The following MAP2K6 variants were observed in gnomAD, a reference collection of about 807,000 sequenced individuals.
The protein encoded by MAP2K6 is dual specificity mitogen-activated protein kinase kinase 6.
MAP2K6 carries 16 observed loss-of-function variants against 53.7 expected under a neutral mutation model. The ratio of observed to expected loss-of-function variants is 0.30; its 90% CI spans 0.20 to 0.45. The LOEUF is 0.45. Among genes scored for constraint, MAP2K6 ranks in the 20% least tolerant of loss-of-function variants. The pLI is 1.00. For missense variants in MAP2K6, 204 were observed against 411.9 expected (o/e 0.50, Z 4.37); for synonymous variants, 132 against 143.1 (o/e 0.92, Z 0.55).
intron 8 of MAP2K6, among the ~76,000 whole-genome samples, chr17:69,524,575 C>G (rs1375862890): frequency 6.6e-6 from 1 of 151,976 alleles, no homozygotes; most frequent in African/African-American, 2.4e-5. Flanking sequence ...CTGGACTGTT[C>G]ATGTTTTAAA....
chr17:69,453,204 C>T (rs551812656), intron 1 of MAP2K6, among the ~76,000 whole-genome samples: 2 of 152,262 alleles, frequency 1.3e-5, no homozygotes, highest in Admixed American at 6.5e-5. Flanking sequence ...TGACAAACTA[C>T]GTGATAGAAC....
At chr17:69,442,256 C>T (rs1906844161) in intron 1 of MAP2K6, among the ~76,000 whole-genome samples, 1 of 152,142 alleles carries the variant, frequency 6.6e-6, no homozygotes. Context: ...CCCAGAGTGG[C>T]TTTTCTCTTG....
chr17:69,463,971 A>G (rs1010460588), intron 1 of MAP2K6, among the ~76,000 whole-genome samples: 8 of 151,684 alleles, frequency 5.3e-5, no homozygotes, highest in Non-Finnish European at 1.2e-4. Flanking sequence ...GCGAGCCGAG[A>G]TTGCGCCACT....
intron 10 of MAP2K6, among the ~76,000 whole-genome samples, chr17:69,534,340 G>A (rs573455660): frequency 1.3e-5 from 2 of 152,000 alleles, no homozygotes; most frequent in African/African-American, 4.8e-5. Flanking sequence ...TTTCTAATGC[G>A]CTCTTATTTT....
chr17:69,482,742 A>G (rs1410975195), intron 1 of MAP2K6, among the ~76,000 whole-genome samples: 1 of 152,086 alleles, frequency 6.6e-6, no homozygotes, highest in Non-Finnish European at 1.5e-5. Flanking sequence ...AAACTTGTAC[A>G]TACATCATTT....
chr17:69,532,537 T>G (rs16974160), intron 10 of MAP2K6, among the ~76,000 whole-genome samples: 10,455 of 152,294 alleles, frequency 0.069, 1,118 homozygotes, highest in African/African-American at 0.23. Context: ...AAATTGGTGT[T>G]GCTTTGAACT....
chr17:69,532,224 A>C (rs998756531), intron 10 of MAP2K6, among the ~76,000 whole-genome samples: 4 of 152,216 alleles, frequency 2.6e-5, no homozygotes, highest in Non-Finnish European at 4.4e-5. Context: ...AAGAGGCACT[A>C]GATGTTTATT....
chr17:69,520,676 T>C (rs1910419143), intron 6 of MAP2K6: 5 of 379,464 alleles, frequency 1.3e-5, no homozygotes, highest in Non-Finnish European at 2.3e-5. Flanking sequence ...TTTATTTTGA[T>C]TTTCATTTAT....
intron 11 of MAP2K6, among the ~76,000 whole-genome samples, chr17:69,538,976 T>A (rs1911488042): frequency 6.6e-6 from 1 of 152,206 alleles, no homozygotes; most frequent in African/African-American, 2.4e-5. Context: ...AATAAAACTT[T>A]ATTTAAAAAA....
In MAP2K6 at chr17:69,553,012, G is replaced by T. The variant is rs182688432; in HGVS notation, c.*11259G>T. 2 of 152,280 alleles carry T rather than the reference G, an allele frequency of 1.3e-5. No homozygotes were observed. Among genetic ancestry groups the T allele is most frequent in the Admixed American group, 6.5e-5 (1 of 15,288 alleles). The allele number at this position is 152,280 out of a possible 1,614,324, so 9.4% of individuals were successfully genotyped here. The stretch of plus-strand genomic sequence containing the variant: ...TTCCCAGAAATATACTGAATTGAGG[G>T]ATAATGTAGCTTTAAAGAAATTATG... On this transcript the variant is annotated 3_prime_UTR_variant, in exon 12 of 12. Coordinates refer to ENST00000590474, the MANE Select transcript of MAP2K6 (RefSeq NM_002758.4).
At chr17:69,422,072 GGAT>G (rs960280085) in intron 1 of MAP2K6, among the ~76,000 whole-genome samples, 10 of 151,460 alleles carry the variant, frequency 6.6e-5, no homozygotes, top group African/African-American at 2.4e-4. Context: ...GAGTTGAGGA[GGAT>G]ATTCAGGTTA....
intron 4 of MAP2K6, 36 bp from the exon 5 acceptor site, chr17:69,519,277 G>C (rs1230465521): frequency 6.2e-6 from 10 of 1,605,814 alleles, no homozygotes; most frequent in Non-Finnish European, 6.8e-6. Flanking sequence ...CATCCTCAGA[G>C]TAGTAACCAT....
intron 1 of MAP2K6, among the ~76,000 whole-genome samples, chr17:69,490,991 T>A (rs1045227737): frequency 1.3e-5 from 2 of 152,220 alleles, no homozygotes; most frequent in Non-Finnish European, 2.9e-5. Context: ...TCTTTCTGTA[T>A]TAGTTTGCTA....
chr17:69,524,557 A>T (rs1910661759), intron 8 of MAP2K6, among the ~76,000 whole-genome samples: 1 of 151,954 alleles, frequency 6.6e-6, no homozygotes, highest in African/African-American at 2.4e-5. Context: ...CACTTGTTTT[A>T]TTGAGTTCTG....
chr17:69,451,137 A>C (rs535337966), intron 1 of MAP2K6, among the ~76,000 whole-genome samples: 2 of 152,352 alleles, frequency 1.3e-5, no homozygotes, highest in Non-Finnish European at 2.9e-5. Flanking sequence ...GCGAAGGCAA[A>C]CAATTAGAGT....
At chr17:69,536,049 G>A in intron 10 of MAP2K6, 66 bp from the exon 11 acceptor site, 6 of 1,082,410 alleles carry the variant, frequency 5.5e-6, no homozygotes, top group Non-Finnish European at 7.1e-6. Flanking sequence ...TACAGGTTCT[G>A]AAATCCTTGT....
chr17:69,507,789 T>C (rs897695098), intron 2 of MAP2K6, among the ~76,000 whole-genome samples: 1 of 152,228 alleles, frequency 6.6e-6, no homozygotes, highest in East Asian at 1.9e-4. Context: ...TGAGCATTTA[T>C]GCATAAGTTC....
chr17:69,436,233 CT>C (rs1385487315), intron 1 of MAP2K6, among the ~76,000 whole-genome samples: 6 of 152,140 alleles, frequency 3.9e-5, no homozygotes, highest in Non-Finnish European at 5.9e-5. Context: ...GAGCACAGCC[CT>C]TTGATTTACT....
intron 1 of MAP2K6, among the ~76,000 whole-genome samples, chr17:69,470,176 C>T (rs75013243): frequency 0.083 from 12,689 of 152,122 alleles, 597 homozygotes; most frequent in Middle Eastern, 0.17. Flanking sequence ...TGCACTCCAG[C>T]CTGGATAACA....
Sources: gnomAD v4.1 joint callset for allele counts (sites outside exome capture counted in the v4.1 genomes callset) on GRCh38, gnomAD v4.1.1 for gene constraint, MANE v1.5 for transcripts, NCBI Gene and HGNC (gene_info 2026-07-23, HGNC 2026-07-21) for gene names.